PROS1: variants seen among roughly 807,000 people sequenced by gnomAD.
The protein encoded by PROS1 is protein S, also known as vitamin K-dependent protein S.
PROS1 carries 29 observed loss-of-function variants against 75.9 expected under a neutral mutation model. The ratio of observed to expected loss-of-function variants is 0.38; its 90% CI spans 0.28 to 0.52. The LOEUF (loss-of-function observed/expected upper bound fraction) is 0.52, where lower values mean the gene tolerates loss of function less well. PROS1 is among the 20% of genes least tolerant of loss of function. PROS1 has a pLI of 0.83. For missense variants in PROS1, 680 were observed against 810.3 expected (o/e 0.84, Z 1.95); for synonymous variants, 245 against 280.6 (o/e 0.87, Z 1.27).
intron 6 of PROS1, among the ~76,000 whole-genome samples, chr3:93,902,113 C>T (rs182496999): frequency 3.8e-4 from 57 of 151,738 alleles, no homozygotes; most frequent in Non-Finnish European, 6.9e-4. Context: ...CATGGTGGAA[C>T]CCCACTTCTA....
chr3:93,953,549 A>G (rs1416929682), intron 1 of PROS1, among the ~76,000 whole-genome samples: 1 of 152,210 alleles, frequency 6.6e-6, no homozygotes, highest in Non-Finnish European at 1.5e-5. Context: ...AAAAACTCTC[A>G]ATAAACTAGG....
intron 6 of PROS1, among the ~76,000 whole-genome samples, chr3:93,902,889 G>A (rs1001823140): frequency 1.3e-5 from 2 of 149,674 alleles, no homozygotes; most frequent in African/African-American, 5.1e-5. Context: ...TGTGGTTTTG[G>A]TTTGTTTGTT....
At chr3:93,961,973 T>C (rs1331800105) in intron 1 of PROS1, among the ~76,000 whole-genome samples, 1 of 151,954 alleles carries the variant, frequency 6.6e-6, no homozygotes, top group African/African-American at 2.4e-5. Flanking sequence ...ATCCCCACTC[T>C]CCCCCAATAT....
At chr3:93,901,011 G>A in intron 6 of PROS1, 82 bp from the exon 7 acceptor site, 1 of 1,489,272 alleles carries the variant, frequency 6.7e-7, no homozygotes, top group South Asian at 1.2e-5. Flanking sequence ...TGTGTTTCCT[G>A]GATCTTGTTT....
intron 1 of PROS1, among the ~76,000 whole-genome samples, chr3:93,970,849 T>A (rs529787601): frequency 6.6e-6 from 1 of 152,148 alleles, no homozygotes; most frequent in Non-Finnish European, 1.5e-5. Flanking sequence ...AAATCACAAC[T>A]ATAAGCCAGC....
intron 1 of PROS1, chr3:93,958,772 A>G (rs1311871250): frequency 6.6e-6 from 1 of 152,310 alleles, no homozygotes. Context: ...GCCTGCTGCC[A>G]TTCATATAAG....
Position 93,906,038 on chromosome 3 carries a change from C to T in PROS1, c.452G>A (p.Gly151Glu). ...ATACGTACCAAATTCACACTTTTCT[C>T]CTTGCCAACCTGGTTTACAAGTGCA... is the stretch of plus-strand genomic sequence containing the variant. Reference protein sequence around the residue: ...FTCTCKPGWQGEKCEFDINEC... With the variant: ...FTCTCKPGWQEEKCEFDINEC... Residue 151 changes from glycine to glutamate, a missense_variant, in exon 5 of 15, where the codon GGA becomes GAA. Coordinates refer to ENST00000394236, the MANE Select transcript of PROS1 (RefSeq NM_000313.4). The T allele has an allele frequency of 6.2e-7, 1 of 1,614,102 alleles. No individual in the cohort carries two copies. Among genetic ancestry groups the T allele is most frequent in the Non-Finnish European group, 8.5e-7 (1 of 1,180,010 alleles).
intron 4 of PROS1, among the ~76,000 whole-genome samples, chr3:93,910,232 T>C (rs897507273): frequency 7.2e-5 from 11 of 152,220 alleles, no homozygotes; most frequent in Non-Finnish European, 1.5e-4. Flanking sequence ...TCCATGTTTA[T>C]ATTATCAGTG....
rs554431641 is a variant in PROS1 at position 93,944,644 on chromosome 3, A to C, written c.77-17237T>G. ...CACAACATACCAGAATCTCTGGGAC[A>C]CATTTAAAGCAGTATATTGGAGGGA... On this transcript the variant is annotated intron_variant, in intron 1 of 14. Transcript: ENST00000394236. Among the ~76,000 whole-genome samples, 172 of 152,354 alleles carry C rather than the reference A, an allele frequency of 1.1e-3. 1 individual carries two copies. The highest frequency in any genetic ancestry group is 3.8e-3 in the African/African-American group (157 of 41,578).
At chr3:93,878,618 G>C (rs1478932685) in intron 13 of PROS1, among the ~76,000 whole-genome samples, 2 of 152,234 alleles carry the variant, frequency 1.3e-5, no homozygotes, top group African/African-American at 4.8e-5. Flanking sequence ...GCTTTTTCGT[G>C]TTCTTCCTCC....
intron 1 of PROS1, among the ~76,000 whole-genome samples, chr3:93,954,122 A>G (rs979484926): frequency 6.6e-6 from 1 of 152,232 alleles, no homozygotes; most frequent in African/African-American, 2.4e-5. Flanking sequence ...GGTAGGAAGA[A>G]TCAATATCAC....
chr3:93,951,782 C>T (rs1297820200), intron 1 of PROS1, among the ~76,000 whole-genome samples: 1 of 152,128 alleles, frequency 6.6e-6, no homozygotes, highest in Non-Finnish European at 1.5e-5. Flanking sequence ...AAGACATAGA[C>T]TGGCAAATTG....
chr3:93,953,543 A>T (rs575836497), intron 1 of PROS1, among the ~76,000 whole-genome samples: 113 of 152,102 alleles, frequency 7.4e-4, no homozygotes, highest in African/African-American at 2.7e-3. Context: ...CATGCTAAAA[A>T]CTCTCAATAA....
chr3:93,931,901 C>T (rs572777230), intron 1 of PROS1, among the ~76,000 whole-genome samples: 35 of 152,336 alleles, frequency 2.3e-4, no homozygotes, highest in African/African-American at 6.5e-4. Flanking sequence ...TGTGGTTGTG[C>T]AGTGGATAAG....
chr3:93,890,561 G>T (rs1055986024), intron 10 of PROS1, among the ~76,000 whole-genome samples: 1 of 152,096 alleles, frequency 6.6e-6, no homozygotes, highest in African/African-American at 2.4e-5. Context: ...ACCCCTGGAG[G>T]CCCAGCTGTA....
At chr3:93,926,250 G>A (rs1304154003) in intron 2 of PROS1, among the ~76,000 whole-genome samples, 1 of 152,154 alleles carries the variant, frequency 6.6e-6, no homozygotes, top group African/African-American at 2.4e-5. Context: ...GTATTACACT[G>A]ATCTCTCTAC....
intron 1 of PROS1, among the ~76,000 whole-genome samples, chr3:93,966,293 A>T (rs1709788123): frequency 6.6e-6 from 1 of 152,198 alleles, no homozygotes; most frequent in African/African-American, 2.4e-5. Context: ...TGACTTGTAA[A>T]GAGGTAGATC....
chr3:93,924,124 C>G, intron 3 of PROS1, 116 bp downstream of exon 3: 1 of 672,966 alleles, frequency 1.5e-6, no homozygotes, highest in East Asian at 4.6e-5. Context: ...TGAAACCTCA[C>G]TCCCAAGGAT....
chr3:93,939,252 C>G (rs150793364), intron 1 of PROS1, among the ~76,000 whole-genome samples: 1 of 152,110 alleles, frequency 6.6e-6, no homozygotes, highest in Non-Finnish European at 1.5e-5. Flanking sequence ...AGGTGCCTGA[C>G]GTCCAGGCAT....
Sources: allele counts gnomAD v4.1 joint callset (sites outside exome capture counted in the v4.1 genomes callset), GRCh38; gene constraint gnomAD v4.1.1; transcripts MANE v1.5; gene names NCBI Gene and HGNC (gene_info 2026-07-23, HGNC 2026-07-21).